SLC36A1: variants seen among roughly 807,000 people sequenced by gnomAD.
The protein encoded by SLC36A1 is proton-coupled amino acid transporter 1.
A neutral mutation model predicts 47.5 loss-of-function variants in SLC36A1; 30 were observed. The ratio of observed to expected loss-of-function variants is 0.63; its 90% confidence interval spans 0.47 to 0.86. The LOEUF (loss-of-function observed/expected upper bound fraction) is 0.86. Ranked by LOEUF, SLC36A1 falls within the 40% of genes least tolerant of loss-of-function variation. The pLI is 0.00. For missense variants in SLC36A1, 517 were observed against 606.0 expected, an observed-to-expected ratio of 0.85 and a Z score of 1.54; for synonymous variants, 255 against 249.7, an observed-to-expected ratio of 1.02 and a Z score of -0.20.
the SLC36A1 span, among the ~76,000 whole-genome samples, chr5:151,383,881 A>G: frequency 2.6e-5 from 4 of 152,144 alleles, no homozygotes; most frequent in African/African-American, 9.7e-5. Flanking sequence ...CCTTTAACTT[A>G]AATTTTTTTC....
At chr5:151,477,039 A>C in intron 9 of SLC36A1, 1 of 501,102 alleles carries the variant, frequency 2.0e-6, no homozygotes, top group Non-Finnish European at 3.8e-6. Context: ...TAGTCCATTC[A>C]TGGTAAACCA....
At chr5:151,445,440 CT>C (rs1265099466), upstream of SLC36A1, among the ~76,000 whole-genome samples, 1 of 152,144 alleles carries the variant, frequency 6.6e-6, no homozygotes, top group African/African-American at 2.4e-5. Flanking sequence ...CTGTAATTTT[CT>C]TTTCTTGTGG....
the SLC36A1 span, among the ~76,000 whole-genome samples, chr5:151,411,057 C>T: frequency 6.9e-6 from 1 of 144,730 alleles, no homozygotes; most frequent in Non-Finnish European, 1.5e-5. Flanking sequence ...TGTAGTTTTA[C>T]ACCAAAACAG....
At chr5:151,417,632 G>A in the SLC36A1 span, among the ~76,000 whole-genome samples, 25,530 of 152,158 alleles carry the variant, frequency 0.17, 2,387 homozygotes, top group East Asian at 0.38. Flanking sequence ...GAGTGCTCTT[G>A]AAAGCATTCA....
the SLC36A1 span, among the ~76,000 whole-genome samples, chr5:151,520,630 G>A: frequency 2.1e-3 from 324 of 152,184 alleles, 1 homozygote; most frequent in African/African-American, 7.5e-3. Flanking sequence ...TTTCCCCCCC[G>A]AACCCAACTC....
At chr5:151,458,480 T>C (rs1755020784) in intron 1 of SLC36A1, among the ~76,000 whole-genome samples, 1 of 151,664 alleles carries the variant, frequency 6.6e-6, no homozygotes, top group Non-Finnish European at 1.5e-5. Context: ...TTTCCCCCAC[T>C]CCTCCCAAGC....
chr5:151,458,636 C>T (rs1755046433), intron 1 of SLC36A1, among the ~76,000 whole-genome samples, 152 bp from the exon 2 acceptor site: 2 of 152,068 alleles, frequency 1.3e-5, no homozygotes, highest in African/African-American at 4.8e-5. Context: ...TTTCCATTTC[C>T]CTTGGTACCA....
chr5:151,366,592 C>A, the SLC36A1 span: 1 of 196,898 alleles, frequency 5.1e-6, no homozygotes, highest in Admixed American at 6.1e-5. Context: ...GGGCAGGGTG[C>A]TGCTGCTCAC....
rs1317044106 is a variant in SLC36A1, at chr5:151,490,638, A to G, written c.*2384A>G. On this transcript the variant is annotated 3_prime_UTR_variant, in exon 11 of 11. Coordinates refer to ENST00000243389, the MANE Select transcript of SLC36A1 (RefSeq NM_078483.4). ...TAGGAGAGTTGGCTGTAGCTTTAGG[A>G]TTTCTGGAAGCCAATTTGGCATGGC... 3 of 152,144 alleles carry G rather than the reference A, an allele frequency of 2.0e-5. No homozygotes were observed. Among genetic ancestry groups the G allele is most frequent in the Non-Finnish European group, 4.4e-5 (3 of 68,086 alleles). 9.4% of individuals were successfully genotyped at this position (152,144 alleles called of 1,614,324 possible).
chr5:151,521,511 G>A, the SLC36A1 span: 20 of 1,614,080 alleles, frequency 1.2e-5, no homozygotes, highest in East Asian at 8.9e-5. Flanking sequence ...CCTGAAACTC[G>A]TAGAAGGTTC....
At chr5:151,390,688 G>C in the SLC36A1 span, among the ~76,000 whole-genome samples, 1 of 152,110 alleles carries the variant, frequency 6.6e-6, no homozygotes, top group African/African-American at 2.4e-5. Context: ...TCTTGTTTTT[G>C]TCAGGTTTGT....
the SLC36A1 span, among the ~76,000 whole-genome samples, chr5:151,530,989 G>A: frequency 6.6e-6 from 1 of 152,214 alleles, no homozygotes; most frequent in Non-Finnish European, 1.5e-5. Flanking sequence ...GAGCCATGGG[G>A]AGGAATCTGT....
intron 9 of SLC36A1, chr5:151,476,960 T>C: frequency 1.4e-6 from 1 of 716,362 alleles, no homozygotes; most frequent in Admixed American, 2.0e-5. Flanking sequence ...GCTGAAGCCA[T>C]TGGTGCTGAT....
At chr5:151,403,266 TG>T in the SLC36A1 span, among the ~76,000 whole-genome samples, 1 of 152,196 alleles carries the variant, frequency 6.6e-6, no homozygotes, top group Non-Finnish European at 1.5e-5. Flanking sequence ...GTTGTTTACC[TG>T]ATATGGTTTG....
chr5:151,543,929 T>C, the SLC36A1 span: 2 of 1,614,158 alleles, frequency 1.2e-6, no homozygotes, highest in South Asian at 1.1e-5. Context: ...GCCTGGACTT[T>C]AAGAACCAGG....
chr5:151,433,533 C>T (rs753288435), upstream of SLC36A1, among the ~76,000 whole-genome samples: 20 of 150,932 alleles, frequency 1.3e-4, no homozygotes, highest in Non-Finnish European at 2.4e-4. Flanking sequence ...TCAGGTGATC[C>T]GCCCGCCTTG....
chr5:151,396,020 G>T, the SLC36A1 span, among the ~76,000 whole-genome samples: 2 of 151,992 alleles, frequency 1.3e-5, no homozygotes, highest in Admixed American at 6.6e-5. Context: ...ATGTTGCCCA[G>T]GCTGGTCTCG....
the SLC36A1 span, chr5:151,527,443 C>T: frequency 2.1e-6 from 3 of 1,436,680 alleles, no homozygotes; most frequent in South Asian, 2.9e-5. Context: ...CCCCCTGAGT[C>T]ATCACTAATA....
intron 8 of SLC36A1, among the ~76,000 whole-genome samples, chr5:151,474,178 A>AAAAAAAAAAAAAG (rs776318482): frequency 8.4e-6 from 1 of 119,008 alleles, no homozygotes; most frequent in Non-Finnish European, 1.6e-5. Flanking sequence ...AAAAAAAAAA[A>AAAAAAAAAAAAAG]AGAAATTATC....
Sources: allele counts gnomAD v4.1 joint callset (sites outside exome capture counted in the v4.1 genomes callset), GRCh38; gene constraint gnomAD v4.1.1; transcripts MANE v1.5; gene names NCBI Gene and HGNC (gene_info 2026-07-23, HGNC 2026-07-21).